Variants in GALNT13 observed in about 807,000 individuals in gnomAD.
GALNT13 encodes polypeptide N-acetylgalactosaminyltransferase 13, also known as UDP-GalNAc:polypeptide N-acetylgalactosaminyltransferase 13.
A neutral mutation model predicts 64.2 loss-of-function variants in GALNT13; 28 were observed. The ratio of observed to expected loss-of-function variants is 0.44; its 90% confidence interval spans 0.32 to 0.60. GALNT13 has a LOEUF of 0.60. Ranked by LOEUF, GALNT13 falls within the 20% of genes least tolerant of loss-of-function variation. GALNT13 has a pLI of 0.05. For missense variants in GALNT13, 577 were observed against 669.8 expected (o/e 0.86, Z 1.53); for synonymous variants, 214 against 224.6 (o/e 0.95, Z 0.42).
At chr2:153,958,489 G>A (rs1012363323) in intron 3 of GALNT13, among the ~76,000 whole-genome samples, 3 of 152,118 alleles carry the variant, frequency 2.0e-5, no homozygotes, top group Non-Finnish European at 2.9e-5. Flanking sequence ...TGTGTCGAAC[G>A]CAAATATTAT....
chr2:153,596,250 CA>C, the GALNT13 span, among the ~76,000 whole-genome samples: 1 of 152,130 alleles, frequency 6.6e-6, no homozygotes, highest in Non-Finnish European at 1.5e-5. Context: ...TGTCTATGCC[CA>C]TAACCAACAC....
chr2:153,691,940 G>A, the GALNT13 span, among the ~76,000 whole-genome samples: 6 of 152,060 alleles, frequency 3.9e-5, no homozygotes, highest in Non-Finnish European at 7.4e-5. Flanking sequence ...GTATAAAGCA[G>A]TATTGTGTGA....
chr2:154,132,108 C>G (rs1339047505), intron 3 of GALNT13, among the ~76,000 whole-genome samples: 1 of 152,160 alleles, frequency 6.6e-6, no homozygotes. Flanking sequence ...CTTTCCCAGT[C>G]CACGGATTCA....
chr2:153,792,337 A>G, the GALNT13 span, among the ~76,000 whole-genome samples: 1 of 152,134 alleles, frequency 6.6e-6, no homozygotes, highest in East Asian at 1.9e-4. Context: ...ACAACTATTT[A>G]TATAGGATTT....
the GALNT13 span, among the ~76,000 whole-genome samples, chr2:153,281,051 G>A: frequency 6.6e-6 from 1 of 152,114 alleles, no homozygotes; most frequent in Non-Finnish European, 1.5e-5. Context: ...CTAATGTTGG[G>A]TGCCTATGCA....
the GALNT13 span, among the ~76,000 whole-genome samples, chr2:153,689,070 ATGTGTGTGTGTG>A: frequency 1.0e-4 from 13 of 127,808 alleles, no homozygotes; most frequent in African/African-American, 3.2e-4. Context: ...CCGCGTGTGT[ATGTGTGTGTGTG>A]TGTGTGTGTG....
intron 1 of GALNT13, among the ~76,000 whole-genome samples, chr2:153,887,558 A>C (rs1350010086): frequency 2.0e-5 from 3 of 151,794 alleles, no homozygotes; most frequent in Admixed American, 6.6e-5. Flanking sequence ...GTGAAGGCAA[A>C]GGTGCATTCA....
chr2:153,663,709 T>C, the GALNT13 span, among the ~76,000 whole-genome samples: 1 of 152,206 alleles, frequency 6.6e-6, no homozygotes, highest in Non-Finnish European at 1.5e-5. Context: ...AGAGTTCTCC[T>C]TTATTGTCTA....
At chr2:154,329,718 A>G (rs59603923) in intron 9 of GALNT13, among the ~76,000 whole-genome samples, 1 of 151,856 alleles carries the variant, frequency 6.6e-6, no homozygotes, top group Non-Finnish European at 1.5e-5. Context: ...TGAATGGATG[A>G]AATGTCCTTC....
intron 3 of GALNT13, among the ~76,000 whole-genome samples, chr2:153,976,757 A>G (rs1391478204): frequency 1.3e-5 from 2 of 152,140 alleles, no homozygotes; most frequent in Non-Finnish European, 1.5e-5. Context: ...ATTTAATTCC[A>G]TATTACTAAG....
the GALNT13 span, among the ~76,000 whole-genome samples, chr2:153,748,460 C>T: frequency 6.6e-6 from 1 of 151,980 alleles, no homozygotes; most frequent in African/African-American, 2.4e-5. Context: ...GTCTTTTGGA[C>T]AAGTCATTTT....
At chr2:153,810,942 G>T in the GALNT13 span, among the ~76,000 whole-genome samples, 1 of 151,970 alleles carries the variant, frequency 6.6e-6, no homozygotes, top group Non-Finnish European at 1.5e-5. Context: ...AAGAATAATT[G>T]TCATTGTTTT....
At chr2:154,229,397 C>G (rs1414648605) in intron 4 of GALNT13, among the ~76,000 whole-genome samples, 1 of 151,662 alleles carries the variant, frequency 6.6e-6, no homozygotes, top group African/African-American at 2.4e-5. Flanking sequence ...GGTGAAAAGT[C>G]TCATTAGAAG....
the GALNT13 span, among the ~76,000 whole-genome samples, chr2:153,414,130 C>G: frequency 6.6e-6 from 1 of 152,098 alleles, no homozygotes; most frequent in South Asian, 2.1e-4. Context: ...AATCCCAGCA[C>G]TTTGGGAGTC....
At chr2:154,148,882 G>T (rs1190588032) in intron 4 of GALNT13, among the ~76,000 whole-genome samples, 1 of 152,126 alleles carries the variant, frequency 6.6e-6, no homozygotes, top group Non-Finnish European at 1.5e-5. Flanking sequence ...TAGGTTGCCT[G>T]TTCACTCTGA....
At chr2:153,195,299 A>G in the GALNT13 span, among the ~76,000 whole-genome samples, 1 of 152,006 alleles carries the variant, frequency 6.6e-6, no homozygotes, top group African/African-American at 2.4e-5. Flanking sequence ...TGCCCACTCA[A>G]CCTGGCAGGC....
chr2:153,325,694 G>T, the GALNT13 span, among the ~76,000 whole-genome samples: 1 of 152,156 alleles, frequency 6.6e-6, no homozygotes, highest in Non-Finnish European at 1.5e-5. Flanking sequence ...CTGGTATGTT[G>T]TGTCTTTGTT....
At chr2:153,220,659 C>G in the GALNT13 span, among the ~76,000 whole-genome samples, 1 of 152,214 alleles carries the variant, frequency 6.6e-6, no homozygotes, top group East Asian at 1.9e-4. Flanking sequence ...CAACTTGGGC[C>G]TCTTCCAAGT....
the GALNT13 span, among the ~76,000 whole-genome samples, chr2:153,707,989 G>A: frequency 6.6e-6 from 1 of 151,996 alleles, no homozygotes; most frequent in Non-Finnish European, 1.5e-5. Context: ...ATATTAAGAT[G>A]CCATAAATTC....
Sources: allele counts gnomAD v4.1 joint callset (sites outside exome capture counted in the v4.1 genomes callset), GRCh38; gene constraint gnomAD v4.1.1; transcripts MANE v1.5; gene names NCBI Gene and HGNC (gene_info 2026-07-23, HGNC 2026-07-21).